PDE6A: variants seen among roughly 807,000 people sequenced by gnomAD.
PDE6A encodes phosphodiesterase 6A.
In PDE6A, 84 loss-of-function variants were observed where a neutral mutation model predicts 106.3. That is an observed-to-expected ratio of 0.79 (90% CI 0.66 to 0.95). The LOEUF is 0.95. PDE6A is among the 40% of genes least tolerant of loss of function. The pLI, the probability that PDE6A is intolerant of heterozygous loss-of-function variation, is 0.00. For missense variants in PDE6A, 1,052 were observed against 1,084.9 expected (o/e 0.97, Z 0.43); for synonymous variants, 394 against 386.6 (o/e 1.02, Z -0.23).
chr5:149,878,541 G>A (rs1760820992), intron 17 of PDE6A, among the ~76,000 whole-genome samples: 1 of 152,152 alleles, frequency 6.6e-6, no homozygotes, highest in South Asian at 2.1e-4. Context: ...CCTGGAAGTG[G>A]GATTGCTGAG....
chr5:149,937,189 C>T (rs1294801275), intron 1 of PDE6A, among the ~76,000 whole-genome samples: 4 of 152,018 alleles, frequency 2.6e-5, no homozygotes, highest in East Asian at 1.9e-4. Flanking sequence ...ATTCTAAGCA[C>T]GGAGCATGCA....
At chr5:149,891,574 G>A (rs924350886) in intron 13 of PDE6A, among the ~76,000 whole-genome samples, 4 of 152,140 alleles carry the variant, frequency 2.6e-5, no homozygotes, top group Non-Finnish European at 5.9e-5. Context: ...GGCCAAGGCA[G>A]GAGGATCACT....
intron 5 of PDE6A, among the ~76,000 whole-genome samples, chr5:149,920,466 A>T (rs1172559861): frequency 6.6e-6 from 1 of 152,160 alleles, no homozygotes; most frequent in Non-Finnish European, 1.5e-5. Flanking sequence ...CTGTAATCCT[A>T]GCTACTCGGG....
chr5:149,866,411 A>T, intron 19 of PDE6A, 158 bp from the exon 20 acceptor site: 1 of 618,478 alleles, frequency 1.6e-6, no homozygotes, highest in Non-Finnish European at 2.9e-6. Context: ...ATGTTAAAGA[A>T]CACCATGAGG....
intron 7 of PDE6A, among the ~76,000 whole-genome samples, chr5:149,905,661 G>T (rs1474693912): frequency 6.6e-6 from 1 of 152,162 alleles, no homozygotes; most frequent in African/African-American, 2.4e-5. Context: ...GTTGTTGTGA[G>T]TATTAAATTT....
intron 21 of PDE6A, among the ~76,000 whole-genome samples, chr5:149,862,484 C>T (rs974609756): frequency 2.0e-5 from 3 of 152,198 alleles, no homozygotes; most frequent in Non-Finnish European, 4.4e-5. Flanking sequence ...CAAGTCCGGA[C>T]GCGGTGGCTT....
At chr5:149,876,080 T>C (rs946754000) in intron 17 of PDE6A, among the ~76,000 whole-genome samples, 2 of 152,194 alleles carry the variant, frequency 1.3e-5, no homozygotes, top group Non-Finnish European at 2.9e-5. Flanking sequence ...ATCCATTTAT[T>C]GAAATTATGT....
intron 15 of PDE6A, 37 bp downstream of exon 15, chr5:149,884,743 G>A: frequency 6.3e-7 from 1 of 1,575,922 alleles, no homozygotes; most frequent in Non-Finnish European, 8.7e-7. Flanking sequence ...CTCTGATCCA[G>A]GCCCCGCGGC....
intron 9 of PDE6A, 119 bp from the exon 10 acceptor site, chr5:149,898,625 G>A (rs982683096): frequency 3.1e-6 from 3 of 961,924 alleles, no homozygotes; most frequent in East Asian, 5.2e-5. Context: ...GGTTTGATAA[G>A]CTGTGTGCTG....
chr5:149,909,444 T>C (rs1166929546), intron 6 of PDE6A, among the ~76,000 whole-genome samples: 1 of 152,246 alleles, frequency 6.6e-6, no homozygotes, highest in Non-Finnish European at 1.5e-5. Context: ...GACTCTTTTT[T>C]ATTCCAGATT....
Position 149,891,918 on chromosome 5 carries a change from G to A in PDE6A, c.1728+3265C>T, listed in dbSNP as rs146218723. ...CTGGATCATCTGAACACTTACAAAT[G>A]GATTTCACTTAACTGCTCCTTTAGT... On this transcript the variant is annotated intron_variant, in intron 13 of 21. Transcript: ENST00000255266. Among the ~76,000 whole-genome samples the A allele has an allele frequency of 1.3e-3, 193 of 152,258 alleles. 2 individuals carry two copies. The East Asian group carries it at 0.024, about 19-fold the overall frequency.
intron 17 of PDE6A, among the ~76,000 whole-genome samples, chr5:149,880,295 C>T (rs1760876763): frequency 6.6e-6 from 1 of 152,114 alleles, no homozygotes; most frequent in African/African-American, 2.4e-5. Flanking sequence ...GGAGAATAGA[C>T]AACTTTCTAA....
chr5:149,935,582 C>T (rs1754157999), intron 1 of PDE6A, among the ~76,000 whole-genome samples: 1 of 152,162 alleles, frequency 6.6e-6, no homozygotes, highest in Admixed American at 6.5e-5. Flanking sequence ...GCTTGAAGCT[C>T]TGAGTGTATA....
At chr5:149,875,475 T>C (rs1760705117) in intron 17 of PDE6A, among the ~76,000 whole-genome samples, 1 of 151,464 alleles carries the variant, frequency 6.6e-6, no homozygotes, top group Non-Finnish European at 1.5e-5. Flanking sequence ...TAGCACATTA[T>C]ACATACTGAC....
intron 5 of PDE6A, among the ~76,000 whole-genome samples, chr5:149,915,210 T>G (rs981343789): frequency 4.0e-5 from 6 of 151,796 alleles, no homozygotes; most frequent in African/African-American, 1.5e-4. Context: ...AATTATTGTA[T>G]TTTTAGCAGA....
chr5:149,924,477 A>G (rs1342674255), intron 4 of PDE6A, among the ~76,000 whole-genome samples: 4 of 150,802 alleles, frequency 2.7e-5, no homozygotes, highest in African/African-American at 7.3e-5. Context: ...AGTTATAAGA[A>G]TATTTAGAAA....
chr5:149,930,367 C>A (rs1354859578), intron 4 of PDE6A, among the ~76,000 whole-genome samples: 5 of 152,156 alleles, frequency 3.3e-5, no homozygotes, highest in Admixed American at 1.3e-4. Context: ...TGGCTGGAAT[C>A]CTTGGGTTTT....
At chr5:149,883,607 G>T in intron 16 of PDE6A, 71 bp from the exon 17 acceptor site, 2 of 1,018,458 alleles carry the variant, frequency 2.0e-6, no homozygotes, top group Non-Finnish European at 3.1e-6. Flanking sequence ...GCTAACATTG[G>T]CTGATTCAGA....
At chr5:149,907,660 C>A (rs1404315728) in intron 6 of PDE6A, among the ~76,000 whole-genome samples, 3 of 152,204 alleles carry the variant, frequency 2.0e-5, no homozygotes, top group Non-Finnish European at 4.4e-5. Flanking sequence ...TGCTGCTGAG[C>A]AGAAACAAAC....
Sources: allele counts gnomAD v4.1 joint callset (sites outside exome capture counted in the v4.1 genomes callset), GRCh38; gene constraint gnomAD v4.1.1; transcripts MANE v1.5; gene names NCBI Gene and HGNC (gene_info 2026-07-23, HGNC 2026-07-21).